SLC4A4: variants seen among roughly 807,000 people sequenced by gnomAD.
SLC4A4 encodes the protein electrogenic sodium bicarbonate cotransporter 1.
In SLC4A4, 27 loss-of-function variants were observed where a neutral mutation model predicts 111.5. The ratio of observed to expected loss-of-function variants is 0.24; its 90% CI spans 0.18 to 0.33. SLC4A4 has a LOEUF of 0.33. SLC4A4 is among the 10% of genes least tolerant of loss of function. The pLI is 1.00. For missense variants in SLC4A4, 909 were observed against 1,315.5 expected, an observed-to-expected ratio of 0.69 and a Z score of 4.78; for synonymous variants, 443 against 463.4, an observed-to-expected ratio of 0.96 and a Z score of 0.57.
At chr4:71,436,106 C>T (rs1199688791) in intron 7 of SLC4A4, among the ~76,000 whole-genome samples, 3 of 152,110 alleles carry the variant, frequency 2.0e-5, no homozygotes, top group Admixed American at 6.5e-5. Flanking sequence ...GACACATGCA[C>T]ACGTATGTTT....
chr4:71,350,441 G>A (rs189976214), intron 5 of SLC4A4, among the ~76,000 whole-genome samples: 5 of 151,834 alleles, frequency 3.3e-5, no homozygotes, highest in African/African-American at 9.7e-5. Context: ...GCAGTGGCGC[G>A]ATCTCAGCTC....
At chr4:71,508,737 C>G (rs1731640172) in intron 16 of SLC4A4, among the ~76,000 whole-genome samples, 1 of 152,152 alleles carries the variant, frequency 6.6e-6, no homozygotes, top group Admixed American at 6.5e-5. Context: ...AAAGGAGAGA[C>G]TTCTCCCTAA....
intron 16 of SLC4A4, among the ~76,000 whole-genome samples, chr4:71,526,501 T>C (rs1015363291): frequency 2.0e-5 from 3 of 152,260 alleles, no homozygotes; most frequent in Non-Finnish European, 4.4e-5. Context: ...TTTATGCCTG[T>C]ACTGTAATAA....
chr4:71,236,554 T>C (rs1034716073), intron 1 of SLC4A4, 22 bp from the exon 2 acceptor site: 1 of 1,608,958 alleles, frequency 6.2e-7, no homozygotes, highest in Non-Finnish European at 8.5e-7. Flanking sequence ...GAGCATTCTT[T>C]TTTTCTTTTT....
intron 2 of SLC4A4, among the ~76,000 whole-genome samples, chr4:71,156,306 GT>G (rs970968083): frequency 7.9e-5 from 12 of 151,284 alleles, no homozygotes; most frequent in Admixed American, 4.6e-4. Context: ...AGGTAAATGA[GT>G]TTTTTTTTGA....
Position 71,356,989 on chromosome 4 carries a change from G to A in SLC4A4, c.551-19G>A. 3 of 1,610,664 alleles carry A rather than the reference G, an allele frequency of 1.9e-6. No homozygotes were observed. The highest frequency in any genetic ancestry group is 2.5e-6 in the Non-Finnish European group (3 of 1,178,886). ...GTCTTGTGACTGAGTTTTGTTTTTT[G>A]CTTTTGTTTTTGTACCAGAGATGAT... On this transcript the variant is annotated intron_variant, in intron 5 of 25. Coordinates refer to ENST00000264485, the MANE Select transcript of SLC4A4 (RefSeq NM_001098484.3).
chr4:71,209,852 G>A (rs1419096984), intron 1 of SLC4A4, among the ~76,000 whole-genome samples: 7 of 152,116 alleles, frequency 4.6e-5, no homozygotes, highest in Non-Finnish European at 1.0e-4. Context: ...ACAGTTTTCA[G>A]GAGATTTTAG....
chr4:71,387,479 C>T (rs1330722956), intron 6 of SLC4A4, among the ~76,000 whole-genome samples: 2 of 152,026 alleles, frequency 1.3e-5, no homozygotes, highest in Admixed American at 6.6e-5. Flanking sequence ...TGAAGTGGTA[C>T]CCTACTTCAA....
At chr4:71,138,942 G>C (rs566331570) in intron 2 of SLC4A4, among the ~76,000 whole-genome samples, 1 of 151,422 alleles carries the variant, frequency 6.6e-6, no homozygotes, top group African/African-American at 2.4e-5. Context: ...AGGCTGAGGC[G>C]GGAGAACGGT....
chr4:71,071,842 T>A (rs1741672428), intron 1 of SLC4A4, among the ~76,000 whole-genome samples: 1 of 152,266 alleles, frequency 6.6e-6, no homozygotes, highest in Admixed American at 6.5e-5. Context: ...CAGATAATGC[T>A]GCATAAATAT....
At chr4:71,289,435 A>G (rs1029801122) in intron 3 of SLC4A4, among the ~76,000 whole-genome samples, 1 of 152,218 alleles carries the variant, frequency 6.6e-6, no homozygotes, top group African/African-American at 2.4e-5. Flanking sequence ...TAGTACCAAC[A>G]TATTCTAAAT....
chr4:71,494,657 G>A (rs535038633), intron 15 of SLC4A4, among the ~76,000 whole-genome samples: 11 of 152,082 alleles, frequency 7.2e-5, no homozygotes, highest in African/African-American at 2.6e-4. Flanking sequence ...TAAACAGTAT[G>A]TATAGAATTT....
intron 1 of SLC4A4, among the ~76,000 whole-genome samples, chr4:71,188,832 T>C (rs1208683504): frequency 6.6e-6 from 1 of 152,236 alleles, no homozygotes; most frequent in Non-Finnish European, 1.5e-5. Flanking sequence ...CTGAAGATAT[T>C]AGTATAACTT....
intron 3 of SLC4A4, among the ~76,000 whole-genome samples, chr4:71,330,369 G>C (rs1319216882): frequency 6.6e-6 from 1 of 151,820 alleles, no homozygotes; most frequent in Non-Finnish European, 1.5e-5. Context: ...GAAATGTTTT[G>C]GGTAGGTAAA....
intron 1 of SLC4A4, among the ~76,000 whole-genome samples, chr4:71,065,174 A>T (rs1301937330): frequency 6.6e-6 from 1 of 152,166 alleles, no homozygotes; most frequent in African/African-American, 2.4e-5. Context: ...CATTTATAAG[A>T]TTTTTGTCAT....
intron 2 of SLC4A4, among the ~76,000 whole-genome samples, chr4:71,110,296 C>G (rs747309507): frequency 6.6e-6 from 1 of 152,112 alleles, no homozygotes; most frequent in Non-Finnish European, 1.5e-5. Context: ...CTCACTGCAG[C>G]CTCGACATTC....
At chr4:71,431,294 A>T (rs544622695) in intron 7 of SLC4A4, among the ~76,000 whole-genome samples, 1 of 152,206 alleles carries the variant, frequency 6.6e-6, no homozygotes, top group South Asian at 2.1e-4. Flanking sequence ...GGGAGAAGGG[A>T]GTTAAAATTT....
Position 71,239,957 on chromosome 4 carries a change from G to A in SLC4A4, c.73+3308G>A, listed in dbSNP as rs1270130998. Among the ~76,000 whole-genome samples, 4 of 151,978 alleles carry A rather than the reference G, an allele frequency of 2.6e-5. No individual in the cohort carries two copies. The East Asian group carries it at 7.7e-4, about 29-fold the overall frequency. ...CCAGCTCCCACCCAGGCCCTTCCAC[G>A]CTTCCACAGAATTGGTCTGTAGATG... On this transcript the variant is annotated intron_variant, in intron 2 of 25. Coordinates refer to ENST00000264485, the MANE Select transcript of SLC4A4 (RefSeq NM_001098484.3).
intron 2 of SLC4A4, among the ~76,000 whole-genome samples, chr4:71,173,380 T>A (rs1332383363): frequency 6.6e-6 from 1 of 152,108 alleles, no homozygotes; most frequent in African/African-American, 2.4e-5. Context: ...TTATTATTAA[T>A]TAATTAATTT....
Sources: gnomAD v4.1 joint callset for allele counts (sites outside exome capture counted in the v4.1 genomes callset) on GRCh38, gnomAD v4.1.1 for gene constraint, MANE v1.5 for transcripts, NCBI Gene and HGNC (gene_info 2026-07-23, HGNC 2026-07-21) for gene names.